The following DHODH variants were observed in gnomAD, a reference collection of about 807,000 sequenced individuals.
DHODH encodes dihydroorotate dehydrogenase (quinone).
A neutral mutation model predicts 39.7 loss-of-function variants in DHODH; 30 were observed. The observed-to-expected ratio is 0.76, with a 90% CI of 0.57 to 1.02. DHODH has a LOEUF of 1.02. DHODH is among the 50% of genes least tolerant of loss of function. The probability of loss-of-function intolerance (pLI) is 0.00; values close to 1 mark genes in which losing one functional copy is unlikely to be tolerated. For missense variants in DHODH, 531 were observed against 520.8 expected, an observed-to-expected ratio of 1.02 and a Z score of -0.19; for synonymous variants, 222 against 213.8, an observed-to-expected ratio of 1.04 and a Z score of -0.34.
At chr16:72,010,302 A>AT (rs36032625) in intron 1 of DHODH, among the ~76,000 whole-genome samples, 1 of 151,960 alleles carries the variant, frequency 6.6e-6, no homozygotes, top group South Asian at 2.1e-4. Flanking sequence ...CTGGTTAACT[A>AT]TTTTTTTAAA....
chr16:72,020,333 A>ATATATATATATATATATATGTG (rs2041192418), intron 4 of DHODH: 3 of 91,878 alleles, frequency 3.3e-5, no homozygotes, highest in Admixed American at 1.0e-4. Context: ...ATATGTGTAT[A>ATATATATATATATATATATGTG]TATATATATA....
intron 2 of DHODH, among the ~76,000 whole-genome samples, chr16:72,013,199 G>A (rs1211589458): frequency 6.6e-6 from 1 of 150,998 alleles, no homozygotes; most frequent in Non-Finnish European, 1.5e-5. Context: ...GAGCAGACGT[G>A]TCATTTCCCC....
chr16:72,022,891 T>G (rs2041236351), intron 6 of DHODH, among the ~76,000 whole-genome samples: 1 of 152,204 alleles, frequency 6.6e-6, no homozygotes, highest in African/African-American at 2.4e-5. Context: ...CCTGGGGGCC[T>G]CAGACAAGAC....
At chr16:72,009,700 C>T (rs1025285904) in intron 1 of DHODH, among the ~76,000 whole-genome samples, 6 of 151,612 alleles carry the variant, frequency 4.0e-5, no homozygotes, top group Non-Finnish European at 8.8e-5. Context: ...CTGCAACCTC[C>T]GCCTCCCGGG....
At position 72,023,481 on chromosome 16, in the gene DHODH, T is replaced by G. The variant is rs773119145; in HGVS notation, c.981T>G (p.Val327=). Residue 327 remains valine, a synonymous_variant, in exon 8 of 9, where the codon GTT becomes GTG. Coordinates refer to ENST00000219240, the MANE Select transcript of DHODH (RefSeq NM_001361.5). ...REMYALTQGR[V]PIIGVGGVSS... ...CCATGTGCTTCTCTGTAGGCCGAGT[T>G]CCCATAATTGGGGTTGGTGGTGTGA... 3.7e-6 allele frequency: 6 copies of G among 1,614,136 alleles called. No individual in the cohort carries two copies. In the South Asian group the frequency reaches 6.6e-5, roughly 18 times the overall value.
chr16:72,015,616 T>G, intron 3 of DHODH: 1 of 906,068 alleles, frequency 1.1e-6, no homozygotes, highest in Non-Finnish European at 1.3e-6. Context: ...TCCTGCTTTC[T>G]TGTGCTTGTT....
chr16:72,008,914 G>C, intron 1 of DHODH, 129 bp downstream of exon 1: 1 of 1,537,244 alleles, frequency 6.5e-7, no homozygotes, highest in Non-Finnish European at 8.8e-7. Flanking sequence ...GGACGTGTGC[G>C]TGTTTCCGGG....
At chr16:72,020,150 C>T (rs991318643) in intron 4 of DHODH, among the ~76,000 whole-genome samples, 26 of 151,642 alleles carry the variant, frequency 1.7e-4, no homozygotes, top group South Asian at 1.0e-3. Context: ...GTGGCACATG[C>T]GTGTAATCCC....
chr16:72,012,346 T>G, intron 2 of DHODH, 84 bp downstream of exon 2: 1 of 1,274,324 alleles, frequency 7.8e-7, no homozygotes, highest in Non-Finnish European at 1.1e-6. Context: ...CTGATCTTTT[T>G]GAAAACCAGA....
chr16:72,012,182 G>C lies in DHODH; in HGVS notation c.154G>C (p.Glu52Gln), dbSNP rs368395651. 42 of 1,614,058 alleles carry C rather than the reference G, an allele frequency of 2.6e-5. No individual in the cohort carries two copies. The highest frequency in any genetic ancestry group is 2.5e-6 in the Non-Finnish European group (3 of 1,180,032). Reference protein sequence around the residue: ...MPTLQGLLDPESAHRLAVRFT... With the variant: ...MPTLQGLLDPQSAHRLAVRFT... ...GACTCTGCAGGGGCTGCTGGACCCG[G>C]AGTCAGCCCACAGACTGGCTGTTCG... Residue 52 changes from glutamate to glutamine, a missense_variant, in exon 2 of 9, where the codon GAG (glutamate) becomes CAG (glutamine). Transcript: ENST00000219240.
Position 72,024,514 on chromosome 16 carries a change from G to T in DHODH, c.*315G>T. On this transcript the variant is annotated 3_prime_UTR_variant, in exon 9 of 9. Coordinates refer to ENST00000219240, the MANE Select transcript of DHODH (RefSeq NM_001361.5). ...AGCCATTTAGAACCTGGGTTTCAAC[G>T]CTAGCCCTTTCTGGTTTGCCATAGG... The T allele has an allele frequency of 4.6e-6, 2 of 432,704 alleles. No homozygotes were observed. The highest frequency in any genetic ancestry group is 4.3e-5 in the South Asian group (2 of 46,100). 26.8% of individuals were successfully genotyped at this position (432,704 alleles called of 1,614,324 possible).
Position 72,023,468 on chromosome 16 carries a change from C to T in DHODH, c.974-6C>T, listed in dbSNP as rs1301330509. 2 of 1,614,176 alleles carry T rather than the reference C, an allele frequency of 1.2e-6. No individual in the cohort carries two copies. The highest frequency in any genetic ancestry group is 1.7e-6 in the Non-Finnish European group (2 of 1,180,050). ...CTTTATGGTGTCGCCATGTGCTTCT[C>T]TGTAGGCCGAGTTCCCATAATTGGG... On this transcript the variant is annotated splice_polypyrimidine_tract_variant and splice_region_variant and intron_variant, in intron 7 of 8. Coordinates refer to ENST00000219240, the MANE Select transcript of DHODH (RefSeq NM_001361.5).
At position 72,024,388 on chromosome 16, in the gene DHODH, C is replaced by T. The variant is rs750442401; in HGVS notation, c.*189C>T. 100 of 643,822 alleles carry T rather than the reference C, an allele frequency of 1.6e-4. No homozygotes were observed. Among genetic ancestry groups the T allele is most frequent in the Non-Finnish European group, 2.2e-4 (80 of 357,076 alleles). The allele number at this position is 643,822 out of a possible 1,614,324, so 39.9% of individuals were successfully genotyped here. On this transcript the variant is annotated 3_prime_UTR_variant, in exon 9 of 9. Coordinates refer to ENST00000219240, the MANE Select transcript of DHODH (RefSeq NM_001361.5). ...GGCTTTCTTCAGTCCCTTGGTCAGACCATAAACTGCATTTTTGATTCTTTG... is the reference window on the plus strand; with the variant it reads ...GGCTTTCTTCAGTCCCTTGGTCAGATCATAAACTGCATTTTTGATTCTTTG...
At chr16:72,018,105 A>G (rs549520482) in intron 4 of DHODH, among the ~76,000 whole-genome samples, 1,116 of 108,150 alleles carry the variant, frequency 0.01, 12 homozygotes, top group African/African-American at 0.034. Context: ...GCCTCCGGCG[A>G]TGCGGGTGTT....
At chr16:72,018,057 A>C (rs1049640341) in intron 4 of DHODH, among the ~76,000 whole-genome samples, 1 of 152,058 alleles carries the variant, frequency 6.6e-6, no homozygotes, top group Non-Finnish European at 1.5e-5. Flanking sequence ...TACAGGCGTG[A>C]GCCACCGCGC....
At chr16:72,024,066 G>C in intron 8 of DHODH, 79 bp from the exon 9 acceptor site, 1 of 1,461,690 alleles carries the variant, frequency 6.8e-7, no homozygotes, top group Middle Eastern at 1.7e-4. Context: ...ATGCGTTTCT[G>C]GGTGAACGTG....
At chr16:72,014,729 A>T in intron 3 of DHODH, 57 bp downstream of exon 3, 1 of 1,544,328 alleles carries the variant, frequency 6.5e-7, no homozygotes, top group Non-Finnish European at 8.9e-7. Flanking sequence ...GGGGGCGTTC[A>T]GAGATATAAG....
chr16:72,027,046 G>T lies in DHODH; in HGVS notation c.*2847G>T. 2 of 152,030 alleles carry T rather than the reference G, an allele frequency of 1.3e-5. 1 individual carries two copies. The highest frequency in any genetic ancestry group is 4.9e-5 in the African/African-American group (2 of 41,076). The allele number at this position is 152,030 out of a possible 1,614,324, so 9.4% of individuals were successfully genotyped here. ...GAGTCCTGCTCTGTCACCCCGGCTG[G>T]AGTGCAGTGGTGCGATCTCAGCTCA... On this transcript the variant is annotated 3_prime_UTR_variant, in exon 9 of 9. Transcript: ENST00000219240.
intron 3 of DHODH, chr16:72,015,736 T>A (rs2041134890): frequency 1.0e-6 from 1 of 985,330 alleles, no homozygotes; most frequent in Non-Finnish European, 1.2e-6. Flanking sequence ...TGCTTAACAT[T>A]CAGCTGCTAC....
Sources: gnomAD v4.1 joint callset for allele counts (sites outside exome capture counted in the v4.1 genomes callset) on GRCh38, gnomAD v4.1.1 for gene constraint, MANE v1.5 for transcripts, NCBI Gene and HGNC (gene_info 2026-07-23, HGNC 2026-07-21) for gene names.